CXADR: variants seen among roughly 807,000 people sequenced by gnomAD.
CXADR encodes the protein coxsackievirus and adenovirus receptor.
Under a neutral mutation model 40.3 loss-of-function variants are expected in CXADR, and 20 were observed. The ratio of observed to expected loss-of-function variants is 0.50; its 90% CI spans 0.35 to 0.72. The LOEUF (loss-of-function observed/expected upper bound fraction) is 0.72. Ranked by LOEUF, CXADR falls within the 30% of genes least tolerant of loss-of-function variation. The pLI is 0.01. For missense variants in CXADR, 332 were observed against 449.1 expected (o/e 0.74, Z 2.36); for synonymous variants, 150 against 161.3 (o/e 0.93, Z 0.53).
chr21:17,575,495 T>A (rs1444294482), intron 7 of CXADR, among the ~76,000 whole-genome samples: 2 of 3,768 alleles, frequency 5.3e-4, no homozygotes, highest in Admixed American at 2.8e-3. Flanking sequence ...TTGTAAAATT[T>A]TTTTTTTTTT....
chr21:17,634,351 AT>A, the CXADR span, among the ~76,000 whole-genome samples: 3 of 152,144 alleles, frequency 2.0e-5, no homozygotes, highest in African/African-American at 7.2e-5. Flanking sequence ...ACTTTGCAAA[AT>A]TTTGTTCATG....
In CXADR at chr21:17,567,193, T is replaced by C; in HGVS notation, c.*1501T>C. ...CCTAGATTTTAGTAGGGAGTTGGTT[T>C]CTGTTAATATCTTTGGGTGCTGTGG... On this transcript the variant is annotated 3_prime_UTR_variant, in exon 7 of 7. Transcript: ENST00000284878. 2 of 985,388 alleles carry C rather than the reference T, an allele frequency of 2.0e-6. No homozygotes were observed. Among genetic ancestry groups the C allele is most frequent in the East Asian group, 1.1e-4 (1 of 8,818 alleles). The allele number at this position is 985,388 out of a possible 1,614,324, so 61.0% of individuals were successfully genotyped here. A position where few individuals can be genotyped will look rare whatever the true frequency, so the allele number is the denominator to read the frequency against.
the CXADR span, among the ~76,000 whole-genome samples, chr21:17,629,817 A>C: frequency 7.4e-6 from 1 of 135,086 alleles, no homozygotes; most frequent in African/African-American, 3.1e-5. Context: ...ATAAACAAAC[A>C]AACAAATAAG....
rs140128719 is a variant in CXADR, at chr21:17,538,162, C to T, written c.44-8865C>T. 1.4e-3 allele frequency among the ~76,000 whole-genome samples: 206 copies of T among 151,830 alleles called. 1 individual carries two copies. The highest frequency in any genetic ancestry group is 6.5e-3 in the South Asian group (31 of 4,790). Reference sequence around the variant, plus strand: ...GACCGTAGGCATGTGCCACCACGTCCGGCTAATTTTTATATTTTAGTAGAG... The same window carrying T: ...GACCGTAGGCATGTGCCACCACGTCTGGCTAATTTTTATATTTTAGTAGAG... On this transcript the variant is annotated intron_variant, in intron 1 of 6. Transcript: ENST00000284878.
intron 3 of CXADR, among the ~76,000 whole-genome samples, chr21:17,555,625 T>C (rs184013778): frequency 0.011 from 1,620 of 149,414 alleles, 32 homozygotes; most frequent in African/African-American, 0.038. Context: ...CATTTATATC[T>C]CCTTAATCTC....
rs1569153687 is a variant in CXADR at position 17,579,285 on chromosome 21, CTTTTCT to C, written c.1017+13679_1017+13684del. Among the ~76,000 whole-genome samples the C allele has an allele frequency of 1.4e-4, 12 of 84,002 alleles. 1 individual carries two copies. Among genetic ancestry groups the C allele is most frequent in the African/African-American group, 1.5e-4 (3 of 20,464 alleles). The allele number at this position is 84,002 out of a possible 152,430, so 55.1% of individuals were successfully genotyped here. On this transcript the variant is annotated intron_variant, in intron 7 of 7. Transcript: ENST00000400169. ...CTTACTTTTCTTTTTCCTTTCTTCT[CTTTTCT>C]TTTTTTTTTTTGAGATGGAGTCTCA... is the stretch of plus-strand genomic sequence containing the variant.
downstream of CXADR, among the ~76,000 whole-genome samples, chr21:17,573,706 C>G (rs150291620): frequency 3.6e-3 from 542 of 152,242 alleles, 6 homozygotes; most frequent in Middle Eastern, 0.027. Context: ...GCCAGCAGTT[C>G]GAGACCAGCC....
intron 1 of CXADR, among the ~76,000 whole-genome samples, 192 bp from the exon 2 acceptor site, chr21:17,546,835 T>C (rs887921199): frequency 5.3e-5 from 8 of 152,228 alleles, no homozygotes; most frequent in African/African-American, 1.7e-4. Context: ...ATGATACTAC[T>C]TGTGTCATTC....
downstream of CXADR, among the ~76,000 whole-genome samples, chr21:17,574,424 T>C (rs925736655): frequency 1.3e-5 from 2 of 152,208 alleles, no homozygotes; most frequent in African/African-American, 4.8e-5. Flanking sequence ...TTGGTCATGA[T>C]GGGTGAGTGG....
At position 17,518,221 on chromosome 21, in the gene CXADR, C is replaced by A. The variant is rs2060485171; in HGVS notation, c.43+5049C>A. Among the ~76,000 whole-genome samples the A allele has an allele frequency of 2.6e-5, 4 of 152,046 alleles. No homozygotes were observed. The South Asian group carries it at 8.3e-4, about 32-fold the overall frequency. ...TTGCTCTCCACTGTATACACACATA[C>A]CCACACACATACATAAGCAAACATA... On this transcript the variant is annotated intron_variant, in intron 1 of 6. Coordinates refer to ENST00000284878, the MANE Select transcript of CXADR (RefSeq NM_001338.5).
At chr21:17,573,627 G>C (rs2061297124), downstream of CXADR, among the ~76,000 whole-genome samples, 1 of 152,170 alleles carries the variant, frequency 6.6e-6, no homozygotes, top group South Asian at 2.1e-4. Context: ...ACGGTTATGA[G>C]GCTGGGCACG....
intron 1 of CXADR, among the ~76,000 whole-genome samples, chr21:17,544,444 A>G (rs1488983836): frequency 6.6e-6 from 1 of 152,208 alleles, no homozygotes; most frequent in Non-Finnish European, 1.5e-5. Context: ...GGCTTAAAAC[A>G]AAAATCATGT....
intron 1 of CXADR, chr21:17,519,013 C>T (rs1433994121): frequency 2.5e-6 from 4 of 1,580,932 alleles, no homozygotes; most frequent in Non-Finnish European, 3.5e-6. Context: ...AAATCTGAAG[C>T]AGGGAGGGTC....
the CXADR span, among the ~76,000 whole-genome samples, chr21:17,628,641 C>T: frequency 1.3e-5 from 2 of 152,186 alleles, no homozygotes; most frequent in Non-Finnish European, 2.9e-5. Context: ...GCTGGAATTA[C>T]AGGCGCACGC....
At chr21:17,573,191 A>G (rs112741468), downstream of CXADR, among the ~76,000 whole-genome samples, 1 of 151,904 alleles carries the variant, frequency 6.6e-6, no homozygotes, top group African/African-American at 2.4e-5. Flanking sequence ...GTACATTTCC[A>G]TTTTTTTAAG....
chr21:17,597,779 T>A (rs74551494), downstream of CXADR, among the ~76,000 whole-genome samples: 35 of 152,294 alleles, frequency 2.3e-4, no homozygotes, highest in African/African-American at 8.4e-4. Context: ...ATGTTCATTA[T>A]GTAAATGTAT....
chr21:17,547,237 A>G (rs1252945823), intron 2 of CXADR, 44 bp downstream of exon 2: 1 of 1,611,162 alleles, frequency 6.2e-7, no homozygotes, highest in Non-Finnish European at 8.5e-7. Context: ...TGTCTGTGCA[A>G]CTATCTGATG....
downstream of CXADR, chr21:17,593,982 G>T: frequency 1.6e-6 from 2 of 1,270,238 alleles, no homozygotes; most frequent in Non-Finnish European, 2.1e-6. Context: ...AAGTTTGATG[G>T]TTTGGCCCAT....
chr21:17,588,623 C>T (rs1353933598), intron 7 of CXADR, among the ~76,000 whole-genome samples: 1 of 152,096 alleles, frequency 6.6e-6, no homozygotes, highest in Non-Finnish European at 1.5e-5. Context: ...CACCAAACTT[C>T]TGTATATAAA....
Sources: allele counts gnomAD v4.1 joint callset (sites outside exome capture counted in the v4.1 genomes callset), GRCh38; gene constraint gnomAD v4.1.1; transcripts MANE v1.5; gene names NCBI Gene and HGNC (gene_info 2026-07-23, HGNC 2026-07-21).